Variants in NDNF observed in about 807,000 individuals in gnomAD.
The protein encoded by NDNF is neuron derived neurotrophic factor, also known as protein NDNF.
A neutral mutation model predicts 42.0 loss-of-function variants in NDNF; 16 were observed. The observed-to-expected ratio is 0.38, with a 90% CI of 0.26 to 0.58. The LOEUF is 0.58. NDNF is among the 20% of genes least tolerant of loss of function. The pLI is 0.67. For synonymous variants in NDNF, 248 were observed against 251.7 expected (o/e 0.99, Z 0.14); for missense variants, 616 against 666.2 (o/e 0.92, Z 0.83).
intron 1 of NDNF, among the ~76,000 whole-genome samples, chr4:121,067,032 G>T (rs1472889663): frequency 6.6e-6 from 1 of 152,208 alleles, no homozygotes; most frequent in Non-Finnish European, 1.5e-5. Context: ...CATGCATGTT[G>T]TGAATTGTTT....
chr4:121,048,985 C>T (rs986087450), intron 1 of NDNF, among the ~76,000 whole-genome samples: 1 of 152,058 alleles, frequency 6.6e-6, no homozygotes, highest in Middle Eastern at 3.2e-3. Context: ...TCTTTTTTCT[C>T]ATTTTAAAAA....
intron 1 of NDNF, among the ~76,000 whole-genome samples, chr4:121,048,310 A>G (rs1163410783): frequency 6.6e-6 from 1 of 152,218 alleles, no homozygotes; most frequent in Non-Finnish European, 1.5e-5. Flanking sequence ...CGAGATACAC[A>G]GGCATATTTG....
chr4:121,053,831 G>A (rs1487659931), intron 1 of NDNF, among the ~76,000 whole-genome samples: 1 of 152,152 alleles, frequency 6.6e-6, no homozygotes, highest in Non-Finnish European at 1.5e-5. Context: ...TGGCAACTAA[G>A]CCTTATTTCC....
At chr4:121,040,153 T>C (rs1437462048) in intron 2 of NDNF, 99 bp from the exon 3 acceptor site, 1 of 1,114,078 alleles carries the variant, frequency 9.0e-7, no homozygotes, top group Non-Finnish European at 1.3e-6. Context: ...TTTTTTTCAT[T>C]TTATAAATTT....
chr4:121,042,022 A>T (rs1050681057), intron 2 of NDNF, among the ~76,000 whole-genome samples: 1 of 151,890 alleles, frequency 6.6e-6, no homozygotes, highest in Admixed American at 6.6e-5. Flanking sequence ...TTTCCAACTC[A>T]CTCTGGATCA....
intron 2 of NDNF, among the ~76,000 whole-genome samples, chr4:121,044,641 A>G (rs1386987521): frequency 2.6e-5 from 4 of 152,128 alleles, no homozygotes; most frequent in Non-Finnish European, 4.4e-5. Context: ...TCAGAATATG[A>G]TAATATTTGT....
chr4:121,042,908 AC>A (rs1439251167), intron 2 of NDNF, among the ~76,000 whole-genome samples: 2 of 152,174 alleles, frequency 1.3e-5, no homozygotes, highest in African/African-American at 4.8e-5. Context: ...GTCATAGGTG[AC>A]CAGTTACAAA....
intron 1 of NDNF, among the ~76,000 whole-genome samples, chr4:121,057,752 T>C (rs1727322637): frequency 6.6e-6 from 1 of 152,200 alleles, no homozygotes; most frequent in Non-Finnish European, 1.5e-5. Flanking sequence ...GGAGGATGCT[T>C]CCTGACTTTC....
In NDNF at chr4:121,036,346, A is replaced by G; in HGVS notation, c.1625T>C (p.Leu542Pro). The change falls in exon 4 of 4, where the codon CTG becomes CCG. Residue 542 changes from leucine to proline, a missense_variant. By Grantham distance (98) the Leu-to-Pro change is moderately conservative. Coordinates refer to ENST00000379692, the MANE Select transcript of NDNF (RefSeq NM_024574.4). ...ATGTCCTATGACATAAACATCCAGC[A>G]GGTAAGATTTGCCAGGCTGAAGACC... ...IKGLQPGKSY[L>P]LDVYVIGHGG... The G allele has an allele frequency of 6.2e-7, 1 of 1,614,154 alleles. No individual in the cohort carries two copies. The highest frequency in any genetic ancestry group is 1.1e-5 in the South Asian group (1 of 91,070).
rs563834420 is a variant in NDNF, at chr4:121,041,995, T to A, written c.189-1941A>T. Among the ~76,000 whole-genome samples, 19 of 152,288 alleles carry A rather than the reference T, an allele frequency of 1.2e-4. 1 individual carries two copies. Among genetic ancestry groups the A allele is most frequent in the African/African-American group, 3.6e-4 (15 of 41,576 alleles). On this transcript the variant is annotated intron_variant, in intron 2 of 3. Transcript: ENST00000379692. ...TGACTCATACTCACATTTAGAGTCA[T>A]TTCTTCAGGGATGCTTTTTCCAACT...
chr4:121,038,724 C>T (rs899531946), intron 3 of NDNF: 1 of 152,106 alleles, frequency 6.6e-6, no homozygotes, highest in African/African-American at 2.4e-5. Context: ...CGGTGGCTCA[C>T]ACCAGTAATC....
Position 121,036,548 on chromosome 4 carries a change from T to C in NDNF, c.1423A>G (p.Arg475Gly), listed in dbSNP as rs762828906. The change falls in exon 4 of 4, where the codon AGG (arginine) becomes GGG (glycine). Residue 475 changes from arginine (R) to glycine (G), a missense_variant. Physicochemically the swap from Arg to Gly is moderately radical, Grantham distance 125 (BLOSUM62 -2). Transcript: ENST00000379692. ...ATVAWLGTQERNKFCIYKKEV... is the reference protein window; with the variant it reads ...ATVAWLGTQEGNKFCIYKKEV... ...TTTTTGTAGATGCAAAACTTGTTCC[T>C]TTCCTGAGTGCCTAGCCAAGCCACG... 4 of 1,614,130 alleles carry C rather than the reference T, an allele frequency of 2.5e-6. No homozygotes were observed. The Admixed American group carries it at 6.7e-5, about 27-fold the overall frequency.
rs747517978 is a variant in NDNF at position 121,036,306 on chromosome 4, T to C, written c.1665A>G (p.Val555=). 5.1e-5 allele frequency: 83 copies of C among 1,612,848 alleles called. No homozygotes were observed. Among genetic ancestry groups the C allele is most frequent in the Admixed American group, 1.0e-4 (6 of 59,886 alleles). Reference sequence around the variant, plus strand: ...TTTTCACAACCTTACTCTGATACTTTACAGAGTGCCCCCCATGTCCTATGA... The same window carrying C: ...TTTTCACAACCTTACTCTGATACTTCACAGAGTGCCCCCCATGTCCTATGA... ...VYVIGHGGHS[V]KYQSKVVKTR... is the part of the protein sequence containing the mutation. The change falls in exon 4 of 4, where the codon GTA becomes GTG. Residue 555 remains valine (V), a synonymous_variant. Transcript: ENST00000379692.
chr4:121,040,629 T>C (rs959141446), intron 2 of NDNF, among the ~76,000 whole-genome samples: 1 of 152,252 alleles, frequency 6.6e-6, no homozygotes, highest in African/African-American at 2.4e-5. Flanking sequence ...TATTCACAGC[T>C]TTACTATTTC....
At chr4:121,041,939 T>C (rs1410961766) in intron 2 of NDNF, among the ~76,000 whole-genome samples, 1 of 152,012 alleles carries the variant, frequency 6.6e-6, no homozygotes, top group Non-Finnish European at 1.5e-5. Flanking sequence ...ACAGGTGAGG[T>C]AGGCAGAGGC....
intron 1 of NDNF, among the ~76,000 whole-genome samples, chr4:121,059,666 C>A (rs1727369580): frequency 6.6e-6 from 1 of 152,200 alleles, no homozygotes; most frequent in Admixed American, 6.5e-5. Flanking sequence ...CCTCTGAAAT[C>A]ATGTAAATTT....
chr4:121,068,437 A>G (rs867156461), intron 1 of NDNF, among the ~76,000 whole-genome samples: 3 of 152,346 alleles, frequency 2.0e-5, no homozygotes, highest in Non-Finnish European at 2.9e-5. Context: ...AATGATTATG[A>G]GCCCACAGGG....
rs534502897 is a variant in NDNF at position 121,040,155 on chromosome 4, T to C, written c.189-101A>G. ...TTTGGTTTTAATTTTTTTTTCATTT[T>C]ATAAATTTTATAAAATTTTCATAAA... On this transcript the variant is annotated intron_variant, in intron 2 of 3. Transcript: ENST00000379692. 18 of 1,137,272 alleles carry C rather than the reference T, an allele frequency of 1.6e-5. 1 individual carries two copies. In the Admixed American group the frequency reaches 4.3e-4, roughly 27 times the overall value. 70.4% of individuals were successfully genotyped at this position (1,137,272 alleles called of 1,614,324 possible).
intron 1 of NDNF, among the ~76,000 whole-genome samples, chr4:121,060,256 C>T (rs1354510830): frequency 6.6e-6 from 1 of 152,094 alleles, no homozygotes; most frequent in African/African-American, 2.4e-5. Flanking sequence ...GTATGGCTCA[C>T]TGCAGCCTTG....
Sources: gnomAD v4.1 joint callset for allele counts (sites outside exome capture counted in the v4.1 genomes callset) on GRCh38, gnomAD v4.1.1 for gene constraint, MANE v1.5 for transcripts, NCBI Gene and HGNC (gene_info 2026-07-23, HGNC 2026-07-21) for gene names.